NISCH: variants seen among roughly 807,000 people sequenced by gnomAD.
NISCH encodes the protein I-1 receptor candidate protein.
Under a neutral mutation model 138.4 loss-of-function variants are expected in NISCH, and 55 were observed. The observed-to-expected ratio is 0.40, with a 90% CI of 0.32 to 0.50. The LOEUF (loss-of-function observed/expected upper bound fraction) is 0.50. NISCH is among the 20% of genes least tolerant of loss of function. The pLI is 0.71. For synonymous variants in NISCH, 860 were observed against 861.5 expected (o/e 1.00, Z 0.03); for missense variants, 1,643 against 2,005.5 (o/e 0.82, Z 3.45).
chr3:52,473,696 G>A (rs1707012378), intron 6 of NISCH, 38 bp from the exon 7 acceptor site: 1 of 1,443,984 alleles, frequency 6.9e-7, no homozygotes, highest in South Asian at 1.2e-5. Flanking sequence ...GACGGAGCAA[G>A]GATTCTGTTT....
At chr3:52,484,462 T>TGGGGGGCCCCCCCCCC in intron 13 of NISCH, 51 bp from the exon 14 acceptor site, 1 of 788,670 alleles carries the variant, frequency 1.3e-6, no homozygotes, top group Non-Finnish European at 1.8e-6. Context: ...ACAGCCGCTC[T>TGGGGGGCCCCCCCCCC]CCCCGCCCCA....
chr3:52,459,324 G>A (rs1292044877), intron 3 of NISCH, among the ~76,000 whole-genome samples: 2 of 152,216 alleles, frequency 1.3e-5, no homozygotes, highest in African/African-American at 4.8e-5. Flanking sequence ...GGGAGAGTGT[G>A]TCATAGAACA....
At chr3:52,478,983 C>T (rs1707185161) in intron 11 of NISCH, among the ~76,000 whole-genome samples, 1 of 152,164 alleles carries the variant, frequency 6.6e-6, no homozygotes, top group Non-Finnish European at 1.5e-5. Context: ...ACCAGGTTCA[C>T]CCATCGCCTG....
rs1034627248 is a variant in NISCH, at chr3:52,492,601, G to A, written c.*119G>A. ...TTGGTACCTTAATTTGACTGTCCTC[G>A]CAGAGAATGTGAACATGTGTGTGTG... On this transcript the variant is annotated 3_prime_UTR_variant, in exon 21 of 21. Coordinates refer to ENST00000345716, the MANE Select transcript of NISCH (RefSeq NM_007184.4). 7.3e-6 allele frequency: 9 copies of A among 1,229,652 alleles called. No homozygotes were observed. Among genetic ancestry groups the A allele is most frequent in the Admixed American group, 5.7e-5 (2 of 34,878 alleles). The allele number at this position is 1,229,652 out of a possible 1,614,324, so 76.2% of individuals were successfully genotyped here.
chr3:52,462,367 G>A (rs1040911757), intron 3 of NISCH, among the ~76,000 whole-genome samples: 6 of 152,186 alleles, frequency 3.9e-5, no homozygotes, highest in African/African-American at 1.4e-4. Context: ...CCCAGCTATG[G>A]CAACTAAAGA....
At chr3:52,485,754 T>G in intron 14 of NISCH, 24 bp from the exon 15 acceptor site, 1 of 1,568,010 alleles carries the variant, frequency 6.4e-7, no homozygotes. Context: ...AGGTGGGGAC[T>G]GACTGTGTTT....
chr3:52,464,728 T>C (rs896120759), intron 3 of NISCH, among the ~76,000 whole-genome samples: 2 of 152,168 alleles, frequency 1.3e-5, no homozygotes, highest in Non-Finnish European at 2.9e-5. Flanking sequence ...TTTTACCATG[T>C]TGGCCAGGCT....
intron 6 of NISCH, 54 bp downstream of exon 6, chr3:52,472,452 G>C: frequency 6.7e-7 from 1 of 1,482,838 alleles, no homozygotes; most frequent in Non-Finnish European, 9.4e-7. Flanking sequence ...AGGCTAGAGA[G>C]TGTTTGTGAT....
intron 13 of NISCH, chr3:52,481,013 C>G: frequency 7.2e-7 from 1 of 1,395,490 alleles, no homozygotes; most frequent in East Asian, 2.7e-5. Flanking sequence ...GCCGCCTGCC[C>G]GGGCTCCTGG....
At chr3:52,478,053 G>T in intron 9 of NISCH, 44 bp from the exon 10 acceptor site, 1 of 1,603,532 alleles carries the variant, frequency 6.2e-7, no homozygotes, top group South Asian at 1.1e-5. Flanking sequence ...TATCTTTGGA[G>T]ACTTGACCTG....
intron 7 of NISCH, chr3:52,476,172 G>A (rs993475856): frequency 1.5e-5 from 6 of 395,138 alleles, no homozygotes; most frequent in African/African-American, 1.2e-4. Context: ...GCATCACCAG[G>A]TCACCAGGGC....
chr3:52,480,957 G>A (rs937470952), intron 13 of NISCH: 5 of 1,513,186 alleles, frequency 3.3e-6, no homozygotes, highest in South Asian at 2.5e-5. Flanking sequence ...AGGGGAGGGT[G>A]TGCCGTCCCG....
Position 52,482,524 on chromosome 3 carries a change from T to C in NISCH, c.1529-1989T>C, listed in dbSNP as rs561800867. Among the ~76,000 whole-genome samples the C allele has an allele frequency of 5.5e-4, 84 of 152,298 alleles. No homozygotes were observed. The South Asian group carries it at 0.017, about 30-fold the overall frequency. The stretch of plus-strand genomic sequence containing the variant: ...TCCTAGCTGTGGGACCTCAAGCAAC[T>C]TGTAGCCCCTCTGAAGCTGTTTTCT... On this transcript the variant is annotated intron_variant, in intron 13 of 20. Coordinates refer to ENST00000345716, the MANE Select transcript of NISCH (RefSeq NM_007184.4).
chr3:52,478,087 G>A lies in NISCH; in HGVS notation c.988-10G>A, dbSNP rs373138301. Reference sequence around the variant, plus strand: ...TGAGCCACTTTACGCTGTTCTCCACGCCGCTGCAGCACCTGTATAACCTTG... The same window carrying A: ...TGAGCCACTTTACGCTGTTCTCCACACCGCTGCAGCACCTGTATAACCTTG... On this transcript the variant is annotated splice_polypyrimidine_tract_variant and intron_variant, in intron 9 of 20. Coordinates refer to ENST00000345716, the MANE Select transcript of NISCH (RefSeq NM_007184.4). The A allele has an allele frequency of 5.1e-5, 82 of 1,612,962 alleles. No homozygotes were observed. The African/African-American group carries it at 8.3e-4, about 16-fold the overall frequency.
chr3:52,491,387 C>G lies in NISCH; in HGVS notation c.3778C>G (p.Arg1260Gly), dbSNP rs774114239. 5 of 1,612,912 alleles carry G rather than the reference C, an allele frequency of 3.1e-6. No individual in the cohort carries two copies. Among genetic ancestry groups the G allele is most frequent in the Non-Finnish European group, 4.2e-6 (5 of 1,179,868 alleles). ...TPMQVVTCLT[R>G]DSYLTHCFLQ... ...GATGCAGGTGGTCACGTGCTTGACG[C>G]GGGACAGCTACCTGACGCACTGCTT... The change falls in exon 20 of 21, where the codon CGG becomes GGG. Residue 1260 changes from arginine to glycine, a missense_variant. By Grantham distance (125) the Arg-to-Gly change is moderately radical. Transcript: ENST00000345716.
chr3:52,489,809 T>C, intron 17 of NISCH, 131 bp downstream of exon 17: 1 of 1,438,688 alleles, frequency 7.0e-7, no homozygotes, highest in South Asian at 1.4e-5. Context: ...TGCTCACAGC[T>C]TTGAGGACCT....
intron 13 of NISCH, chr3:52,480,585 C>T: frequency 1.6e-5 from 23 of 1,441,018 alleles, no homozygotes; most frequent in Non-Finnish European, 2.1e-5. Context: ...GCCCTCTGAA[C>T]AGGCTCGGGG....
chr3:52,479,847 C>T lies in NISCH; in HGVS notation c.1401C>T (p.Ser467=). The change falls in exon 12 of 21, where the codon AGC becomes AGT. Residue 467 remains serine (S), a synonymous_variant. Coordinates refer to ENST00000345716, the MANE Select transcript of NISCH (RefSeq NM_007184.4). The stretch of plus-strand genomic sequence containing the variant: ...CCAAGGAGGTCAAGTCCAAACTGAG[C>T]AACCCAGAGAAGAAGGTGGGTTTGT... ...QKAKEVKSKL[S]NPEKKGGEDS... 1 of 1,612,916 alleles carries T rather than the reference C, an allele frequency of 6.2e-7. No homozygotes were observed. The highest frequency in any genetic ancestry group is 8.5e-7 in the Non-Finnish European group (1 of 1,179,284).
At chr3:52,467,146 A>T (rs1706804726) in intron 3 of NISCH, among the ~76,000 whole-genome samples, 1 of 151,914 alleles carries the variant, frequency 6.6e-6, no homozygotes, top group Admixed American at 6.6e-5. Context: ...TAGTACAGGC[A>T]TGTGCCACCA....
Sources: allele counts gnomAD v4.1 joint callset (sites outside exome capture counted in the v4.1 genomes callset), GRCh38; gene constraint gnomAD v4.1.1; transcripts MANE v1.5; gene names NCBI Gene and HGNC (gene_info 2026-07-23, HGNC 2026-07-21).